The following NCOR1 variants were observed in gnomAD, a reference collection of about 807,000 sequenced individuals.
NCOR1 encodes the protein nuclear receptor corepressor 1.
NCOR1 carries 63 observed loss-of-function variants against 288.1 expected under a neutral mutation model. The ratio of observed to expected loss-of-function variants is 0.22; its 90% CI spans 0.18 to 0.27. NCOR1 has a LOEUF of 0.27. Ranked by LOEUF, NCOR1 falls within the 10% of genes least tolerant of loss-of-function variation. NCOR1 has a pLI of 1.00. For synonymous variants in NCOR1, 1,007 were observed against 1,065.9 expected (o/e 0.94, Z 1.08); for missense variants, 2,397 against 3,019.2 (o/e 0.79, Z 4.83).
At chr17:16,202,243 T>C (rs867408036) in intron 1 of NCOR1, among the ~76,000 whole-genome samples, 13 of 71,648 alleles carry the variant, frequency 1.8e-4, no homozygotes, top group Non-Finnish European at 3.0e-4. Flanking sequence ...AAAAAAAAAA[T>C]ACAAAAAATT....
At chr17:16,103,944 A>G (rs2068096036) in intron 19 of NCOR1, among the ~76,000 whole-genome samples, 1 of 152,174 alleles carries the variant, frequency 6.6e-6, no homozygotes, top group Non-Finnish European at 1.5e-5. Context: ...CGGGAAGTGG[A>G]GGTTGTGGTG....
At chr17:16,069,889 T>C (rs895641917) in intron 31 of NCOR1, among the ~76,000 whole-genome samples, 4 of 152,212 alleles carry the variant, frequency 2.6e-5, no homozygotes, top group Non-Finnish European at 5.9e-5. Flanking sequence ...CAGAAAACCT[T>C]ATGCAATTGG....
chr17:16,115,298 A>C (rs1198120627), intron 18 of NCOR1, among the ~76,000 whole-genome samples: 1 of 152,202 alleles, frequency 6.6e-6, no homozygotes, highest in Non-Finnish European at 1.5e-5. Context: ...CTATGATGGA[A>C]AGGGCTGCCA....
chr17:16,074,683 G>C (rs2062181838), intron 27 of NCOR1, among the ~76,000 whole-genome samples: 1 of 149,296 alleles, frequency 6.7e-6, no homozygotes, highest in African/African-American at 2.6e-5. Context: ...GTGCAAATAA[G>C]AACTCAAATT....
intron 1 of NCOR1, 141 bp downstream of exon 1, chr17:16,215,221 G>C: frequency 2.7e-6 from 1 of 376,334 alleles, no homozygotes; most frequent in Non-Finnish European, 4.7e-6. Context: ...CGGCCAGGAC[G>C]GGTCCCGACC....
intron 9 of NCOR1, among the ~76,000 whole-genome samples, chr17:16,148,105 T>C (rs976169587): frequency 3.3e-5 from 5 of 152,146 alleles, no homozygotes; most frequent in African/African-American, 9.7e-5. Context: ...GCGTGAGCCA[T>C]TGCACCTGCC....
Position 16,080,700 on chromosome 17 carries a change from G to A in NCOR1, c.3205C>T (p.His1069Tyr). 1 of 1,613,310 alleles carries A rather than the reference G, an allele frequency of 6.2e-7. No homozygotes were observed. The highest frequency in any genetic ancestry group is 2.2e-5 in the East Asian group (1 of 44,852). ...TCTTGAGTGTAGGAAGCCTGATTAT[G>A]AGAAGTCAAATAAGTGCCTGGTGTT... ...QGTPGTYLTS[H>Y]NQASYTQETP... Residue 1069 changes from histidine to tyrosine, a missense_variant, in exon 24 of 46, where the codon CAT becomes TAT. By Grantham distance (83) the His-to-Tyr change is moderately conservative. Transcript: ENST00000268712.
intron 45 of NCOR1, among the ~76,000 whole-genome samples, chr17:16,033,723 C>T: frequency 6.6e-6 from 1 of 152,228 alleles, no homozygotes; most frequent in South Asian, 2.1e-4. Flanking sequence ...TACAAATAGG[C>T]ACAAAATAGA....
rs1416218060 is a variant in NCOR1 at position 16,146,559 on chromosome 17, T to A, written c.910-11A>T. The A allele has an allele frequency of 1.3e-6, 2 of 1,568,574 alleles. No individual in the cohort carries two copies. On this transcript the variant is annotated splice_polypyrimidine_tract_variant and intron_variant, in intron 9 of 45. Transcript: ENST00000268712. ...GCAGATTTTTTGTTCCTATTAAATA[T>A]CCGTAGCAAATTAATAATAATTAAA...
chr17:16,076,909 A>G (rs73981438), intron 26 of NCOR1, among the ~76,000 whole-genome samples: 10,530 of 152,306 alleles, frequency 0.069, 575 homozygotes, highest in African/African-American at 0.16. Context: ...CAATGCCTGC[A>G]GCCAGCACTG....
At chr17:16,049,202 A>C in intron 40 of NCOR1, 3 of 356,734 alleles carry the variant, frequency 8.4e-6, no homozygotes, top group African/African-American at 2.1e-5. Context: ...CACTTGACCC[A>C]TGCGCGCCCC....
chr17:16,207,739 C>CAAAAAAAAA (rs200123318), intron 1 of NCOR1, among the ~76,000 whole-genome samples: 1 of 61,038 alleles, frequency 1.6e-5, no homozygotes. Context: ...ACTCCATCTC[C>CAAAAAAAAA]AAAAAAAAAA....
intron 45 of NCOR1, among the ~76,000 whole-genome samples, chr17:16,033,621 TCTCTGAAA>T (rs1973005160): frequency 6.7e-6 from 1 of 149,488 alleles, no homozygotes; most frequent in Non-Finnish European, 1.5e-5. Context: ...GGCTTATAAT[TCTCTGAAA>T]CTCTAAAATT....
chr17:16,120,168 T>C (rs1014389201), intron 16 of NCOR1, among the ~76,000 whole-genome samples: 3 of 152,230 alleles, frequency 2.0e-5, no homozygotes, highest in African/African-American at 4.8e-5. Context: ...TCCAATGACA[T>C]GCATCAACTC....
At chr17:16,103,952 G>GT (rs2068098899) in intron 19 of NCOR1, among the ~76,000 whole-genome samples, 1 of 152,240 alleles carries the variant, frequency 6.6e-6, no homozygotes, top group Non-Finnish European at 1.5e-5. Context: ...GGAGGTTGTG[G>GT]TGAGCCGAGA....
At chr17:16,085,578 A>G (rs1659164763) in intron 23 of NCOR1, among the ~76,000 whole-genome samples, 1 of 152,230 alleles carries the variant, frequency 6.6e-6, no homozygotes, top group African/African-American at 2.4e-5. Flanking sequence ...CCCTAAAACC[A>G]TTATGCTGGG....
At chr17:16,118,165 CT>C (rs1249085223) in intron 17 of NCOR1, 138 bp from the exon 18 acceptor site, 2 of 821,006 alleles carry the variant, frequency 2.4e-6, no homozygotes, top group East Asian at 5.6e-5. Flanking sequence ...ATCATATATA[CT>C]TTGATACTTA....
intron 1 of NCOR1, among the ~76,000 whole-genome samples, chr17:16,204,553 T>C (rs2091258627): frequency 6.6e-6 from 1 of 152,232 alleles, no homozygotes; most frequent in African/African-American, 2.4e-5. Context: ...CAAACATGTA[T>C]ACATTGTTTT....
intron 19 of NCOR1, 131 bp downstream of exon 19, chr17:16,108,655 T>G (rs966224871): frequency 1.7e-5 from 11 of 632,880 alleles, no homozygotes; most frequent in Admixed American, 3.3e-5. Context: ...ATGTTCAAGT[T>G]TGAAGTCTCC....
Sources: gnomAD v4.1 joint callset for allele counts (sites outside exome capture counted in the v4.1 genomes callset) on GRCh38, gnomAD v4.1.1 for gene constraint, MANE v1.5 for transcripts, NCBI Gene and HGNC (gene_info 2026-07-23, HGNC 2026-07-21) for gene names.